The following TGM6 variants were observed in gnomAD, a reference collection of about 807,000 sequenced individuals.
TGM6 encodes the protein protein-glutamine gamma-glutamyltransferase 6.
Under a neutral mutation model 77.5 loss-of-function variants are expected in TGM6, and 74 were observed. The observed-to-expected ratio is 0.96, with a 90% CI of 0.79 to 1.16. The LOEUF (loss-of-function observed/expected upper bound fraction) is 1.16, where lower values mean the gene tolerates loss of function less well. Ranked by LOEUF, TGM6 falls within the 50% of genes most tolerant of loss-of-function variation. TGM6 has a pLI of 0.00. For synonymous variants in TGM6, 383 were observed against 378.9 expected (o/e 1.01, Z -0.12); for missense variants, 968 against 940.2 (o/e 1.03, Z -0.39).
At chr20:2,421,482 A>T (rs1416227212) in intron 10 of TGM6, among the ~76,000 whole-genome samples, 2 of 152,202 alleles carry the variant, frequency 1.3e-5, no homozygotes, top group African/African-American at 4.8e-5. Flanking sequence ...GATTACTGAC[A>T]TTGTAATAGG....
intron 1 of TGM6, among the ~76,000 whole-genome samples, chr20:2,385,697 G>A (rs547552402): frequency 6.6e-6 from 1 of 152,350 alleles, no homozygotes; most frequent in Admixed American, 6.5e-5. Context: ...GTCGGAGCGT[G>A]AGCAGCTGAC....
chr20:2,422,924 TG>T (rs2084866112), intron 10 of TGM6, among the ~76,000 whole-genome samples: 1 of 140,302 alleles, frequency 7.1e-6, no homozygotes, highest in South Asian at 2.3e-4. Context: ...CACTCCAGCC[TG>T]GGTAACAAAG....
In TGM6 at chr20:2,432,715, A is replaced by G. The variant is rs2084931862; in HGVS notation, c.*72A>G. ...CCTGCCCATTCTTTGTCTCTTCCACATGGGAGCCAGGAGGCCTCAGTTAAT... is the reference window on the plus strand; with the variant it reads ...CCTGCCCATTCTTTGTCTCTTCCACGTGGGAGCCAGGAGGCCTCAGTTAAT... On this transcript the variant is annotated 3_prime_UTR_variant, in exon 13 of 13. Transcript: ENST00000202625. 12 of 1,608,388 alleles carry G rather than the reference A, an allele frequency of 7.5e-6. No individual in the cohort carries two copies. Among genetic ancestry groups the G allele is most frequent in the Admixed American group, 1.7e-5 (1 of 59,970 alleles).
chr20:2,428,856 C>T lies in TGM6; in HGVS notation c.1679-1590C>T, dbSNP rs923460649. On this transcript the variant is annotated intron_variant, in intron 10 of 12. Transcript: ENST00000202625. The stretch of plus-strand genomic sequence containing the variant: ...ATTGTTATTTTGAGATAGAGTCTCT[C>T]TCTGTCGCTCAGGCTGGAGTGCAGT... 2.6e-5 allele frequency among the ~76,000 whole-genome samples: 4 copies of T among 152,140 alleles called. No individual in the cohort carries two copies. The South Asian group carries it at 8.3e-4, about 31-fold the overall frequency.
Position 2,396,669 on chromosome 20 carries a change from G to A in TGM6, c.543+45G>A, listed in dbSNP as rs771311792. The A allele has an allele frequency of 2.5e-6, 4 of 1,592,172 alleles. No homozygotes were observed. In the South Asian group the frequency reaches 4.4e-5, roughly 18 times the overall value. On this transcript the variant is annotated intron_variant, in intron 4 of 12. Transcript: ENST00000202625. ...AGACAAGGATGTGGGCTGGGGCATGGGGAGGTCGGTGGGACTGGAGTCCCT... is the reference window on the plus strand; with the variant it reads ...AGACAAGGATGTGGGCTGGGGCATGAGGAGGTCGGTGGGACTGGAGTCCCT...
At chr20:2,403,888 C>T in intron 9 of TGM6, 65 bp downstream of exon 9, 1 of 1,612,806 alleles carries the variant, frequency 6.2e-7, no homozygotes, top group South Asian at 1.1e-5. Context: ...AGAGGGCCCA[C>T]TGCAGGTGGC....
chr20:2,432,643 A>G lies in TGM6; in HGVS notation c.2121A>G (p.Ter707TrpextTer6). Residue 707 changes from the stop codon to tryptophan (W), a stop_lost, in exon 13 of 13, where the codon TGA (stop) becomes TGG (tryptophan). Transcript: ENST00000202625. ...FVIVHVATAK[*>W] ...TCGTCCATGTGGCCACTGCCAAGTG[A>G]TGGATCATGAGGGACTGAGAGGGGT... The G allele has an allele frequency of 2.5e-6, 4 of 1,614,016 alleles. No homozygotes were observed. The highest frequency in any genetic ancestry group is 3.4e-6 in the Non-Finnish European group (4 of 1,179,982).
intron 9 of TGM6, among the ~76,000 whole-genome samples, chr20:2,407,388 G>A (rs997452139): frequency 1.3e-5 from 2 of 152,210 alleles, no homozygotes; most frequent in African/African-American, 4.8e-5. Flanking sequence ...GGAGGCCAAG[G>A]TGGGCAGATC....
At chr20:2,424,660 A>G (rs6048862) in intron 10 of TGM6, among the ~76,000 whole-genome samples, 33,953 of 152,084 alleles carry the variant, frequency 0.22, 3,988 homozygotes, top group South Asian at 0.3. Flanking sequence ...CAAGAGTAGC[A>G]CTTTTAATTT....
At chr20:2,398,306 A>G (rs1013614577) in intron 5 of TGM6, among the ~76,000 whole-genome samples, 1 of 152,112 alleles carries the variant, frequency 6.6e-6, no homozygotes, top group South Asian at 2.1e-4. Context: ...TAATGACTGC[A>G]TATGTCTGGG....
chr20:2,409,464 C>A (rs942355368), intron 9 of TGM6, among the ~76,000 whole-genome samples: 1 of 152,134 alleles, frequency 6.6e-6, no homozygotes, highest in Non-Finnish European at 1.5e-5. Context: ...ATAATCTCAG[C>A]ATTTTGGGAG....
chr20:2,398,004 C>A lies in TGM6; in HGVS notation c.630C>A (p.Cys210Ter), dbSNP rs1013563824. 1 of 1,614,044 alleles carries A rather than the reference C, an allele frequency of 6.2e-7. No individual in the cohort carries two copies. The highest frequency in any genetic ancestry group is 1.7e-5 in the Admixed American group (1 of 60,000). ...ACAACCCAGCCACCGACGTGTCCTGCCGCCACAACCCCATCTACGTCACCA... is the reference window on the plus strand; with the variant it reads ...ACAACCCAGCCACCGACGTGTCCTGACGCCACAACCCCATCTACGTCACCA... The part of the protein sequence containing the change: ...HQNNPATDVS[C>*]RHNPIYVTRV... The change falls in exon 5 of 13, where the codon TGC (cysteine) becomes TGA (stop). Residue 210 changes from cysteine (C) to a stop codon, truncating the protein, a stop_gained. Transcript: ENST00000202625. LOFTEE classifies it high-confidence loss of function.
chr20:2,403,320 G>A, intron 7 of TGM6, 77 bp from the exon 8 acceptor site: 8 of 1,511,598 alleles, frequency 5.3e-6, no homozygotes, highest in South Asian at 1.2e-5. Flanking sequence ...AGGGAGCCCA[G>A]GGCCTGCCTC....
chr20:2,386,135 G>A (rs1023559047), intron 1 of TGM6, among the ~76,000 whole-genome samples: 5 of 152,114 alleles, frequency 3.3e-5, no homozygotes, highest in Non-Finnish European at 7.4e-5. Flanking sequence ...CCCCATGCCC[G>A]TCAGTCTCAC....
chr20:2,416,915 A>T (rs2084820069), intron 9 of TGM6, among the ~76,000 whole-genome samples: 1 of 152,110 alleles, frequency 6.6e-6, no homozygotes, highest in Non-Finnish European at 1.5e-5. Flanking sequence ...GGGTGATGAT[A>T]ATACCTCTGT....
chr20:2,383,133 T>G (rs1417795364), intron 1 of TGM6, among the ~76,000 whole-genome samples: 1 of 152,088 alleles, frequency 6.6e-6, no homozygotes, highest in African/African-American at 2.4e-5. Flanking sequence ...TCTCGATAAA[T>G]CATTTAGTCA....
Position 2,396,599 on chromosome 20 carries a change from G to A in TGM6, c.518G>A (p.Arg173Gln), listed in dbSNP as rs866660553. The change falls in exon 4 of 13, where the codon CGA becomes CAA. Residue 173 changes from arginine (R) to glutamine (Q), a missense_variant. Transcript: ENST00000202625. The part of the protein sequence containing the change: ...IIFRGVEKHI[R>Q]AQGWNYGQFE... Reference sequence around the variant, plus strand: ...TTCCGAGGCGTGGAGAAGCACATACGAGCCCAGGGCTGGAACTACGGGCAG... The same window carrying A: ...TTCCGAGGCGTGGAGAAGCACATACAAGCCCAGGGCTGGAACTACGGGCAG... The A allele has an allele frequency of 7.4e-6, 12 of 1,614,054 alleles. No homozygotes were observed. The highest frequency in any genetic ancestry group is 6.7e-5 in the Admixed American group (4 of 60,004).
intron 7 of TGM6, among the ~76,000 whole-genome samples, chr20:2,401,360 CTA>C (rs1168934689): frequency 6.6e-6 from 1 of 152,220 alleles, no homozygotes; most frequent in African/African-American, 2.4e-5. Context: ...GGAGGCAACA[CTA>C]TCACTGTCTG....
intron 10 of TGM6, among the ~76,000 whole-genome samples, chr20:2,423,852 C>A (rs908726029): frequency 6.6e-6 from 1 of 152,180 alleles, no homozygotes; most frequent in Non-Finnish European, 1.5e-5. Flanking sequence ...TCATGGTCTG[C>A]AGAATGAATG....
Sources: allele counts gnomAD v4.1 joint callset (sites outside exome capture counted in the v4.1 genomes callset), GRCh38; gene constraint gnomAD v4.1.1; transcripts MANE v1.5; gene names NCBI Gene and HGNC (gene_info 2026-07-23, HGNC 2026-07-21).